Variants in HHIPL1 observed in about 807,000 individuals in gnomAD.
HHIPL1 encodes the protein HHIP-like protein 1.
In HHIPL1, 43 loss-of-function variants were observed where a neutral mutation model predicts 61.8. That is an observed-to-expected ratio of 0.70 (90% CI 0.55 to 0.90). The LOEUF (loss-of-function observed/expected upper bound fraction) is 0.90. Ranked by LOEUF, HHIPL1 falls within the 40% of genes least tolerant of loss-of-function variation. HHIPL1 has a pLI of 0.00. For missense variants in HHIPL1, 1,056 were observed against 1,157.7 expected, an observed-to-expected ratio of 0.91 and a Z score of 1.28; for synonymous variants, 482 against 515.8, an observed-to-expected ratio of 0.93 and a Z score of 0.89.
intron 6 of HHIPL1, among the ~76,000 whole-genome samples, chr14:99,664,518 C>A (rs550120789): frequency 2.0e-4 from 30 of 152,274 alleles, no homozygotes; most frequent in African/African-American, 7.0e-4. Context: ...GGAGGAGGCA[C>A]CAGTGAGACT....
At chr14:99,630,354 C>G in the HHIPL1 span, among the ~76,000 whole-genome samples, 2 of 152,336 alleles carry the variant, frequency 1.3e-5, no homozygotes, top group Admixed American at 1.3e-4. Context: ...CATCATCTGA[C>G]TCCGCCTCCT....
intron 3 of HHIPL1, among the ~76,000 whole-genome samples, 176 bp from the exon 4 acceptor site, chr14:99,659,252 T>C (rs949559084): frequency 6.6e-6 from 1 of 152,178 alleles, no homozygotes; most frequent in Non-Finnish European, 1.5e-5. Flanking sequence ...GAATGAATGG[T>C]TACCCGGCTG....
chr14:99,678,753 C>T lies in HHIPL1; in HGVS notation c.*3127C>T, dbSNP rs2056413572. ...AGATATCTTGGTTAAAGTATAAGGA[C>T]ATAGAACGTACTATGTGCCTGTGAG... On this transcript the variant is annotated 3_prime_UTR_variant, in exon 9 of 9. Transcript: ENST00000330710. The T allele has an allele frequency of 2.0e-5, 3 of 152,062 alleles. No homozygotes were observed. Among genetic ancestry groups the T allele is most frequent in the African/African-American group, 7.2e-5 (3 of 41,382 alleles). 9.4% of individuals were successfully genotyped at this position (152,062 alleles called of 1,614,324 possible). A position where few individuals can be genotyped will look rare whatever the true frequency, so the allele number is the denominator to read the frequency against.
chr14:99,646,951 C>T (rs7146731), intron 1 of HHIPL1, among the ~76,000 whole-genome samples: 54,115 of 151,662 alleles, frequency 0.36, 10,389 homozygotes, highest in South Asian at 0.45. Flanking sequence ...ACTAGGGGCT[C>T]GGTAAGTGTT....
the HHIPL1 span, among the ~76,000 whole-genome samples, chr14:99,629,562 A>G: frequency 3.3e-5 from 5 of 152,052 alleles, no homozygotes; most frequent in African/African-American, 1.2e-4. Context: ...CAGTGGCACA[A>G]TCTTGGCTCA....
chr14:99,623,248 A>C, the HHIPL1 span, among the ~76,000 whole-genome samples: 1 of 152,314 alleles, frequency 6.6e-6, no homozygotes, highest in Middle Eastern at 3.4e-3. Flanking sequence ...CTGCCTTAGC[A>C]GTTTTGAATG....
chr14:99,676,700 A>C lies in HHIPL1; in HGVS notation c.*1074A>C, dbSNP rs1339210537. On this transcript the variant is annotated 3_prime_UTR_variant, in exon 9 of 9. Coordinates refer to ENST00000330710, the MANE Select transcript of HHIPL1 (RefSeq NM_001127258.3). ...CTTTCCTGCCTCCTCTCTGACCTGC[A>C]CCTGTGTGGGAGCCGGGGTGGGAAC... 5 of 152,278 alleles carry C rather than the reference A, an allele frequency of 3.3e-5. No homozygotes were observed. The highest frequency in any genetic ancestry group is 1.2e-4 in the African/African-American group (5 of 41,550). The allele number at this position is 152,278 out of a possible 1,614,324, so 9.4% of individuals were successfully genotyped here. A position where few individuals can be genotyped will look rare whatever the true frequency, so the allele number is the denominator to read the frequency against.
chr14:99,619,987 G>A, the HHIPL1 span, among the ~76,000 whole-genome samples: 2 of 152,170 alleles, frequency 1.3e-5, no homozygotes, highest in African/African-American at 2.4e-5. Context: ...GCCTTTCTCC[G>A]GCTTCAAGGA....
At chr14:99,633,354 G>A in the HHIPL1 span, among the ~76,000 whole-genome samples, 1 of 152,206 alleles carries the variant, frequency 6.6e-6, no homozygotes, top group East Asian at 1.9e-4. Context: ...GGCACTGTGG[G>A]GACACCCAGG....
chr14:99,625,656 C>T, the HHIPL1 span: 3 of 152,176 alleles, frequency 2.0e-5, no homozygotes, highest in African/African-American at 7.2e-5. Context: ...GGCGGGCAGC[C>T]TCTCCAATGC....
At position 99,677,202 on chromosome 14, in the gene HHIPL1, G is replaced by C. The variant is rs1014806210; in HGVS notation, c.*1576G>C. The C allele has an allele frequency of 6.6e-6, 1 of 152,488 alleles. No individual in the cohort carries two copies. Among genetic ancestry groups the C allele is most frequent in the East Asian group, 1.9e-4 (1 of 5,204 alleles). The allele number at this position is 152,488 out of a possible 1,614,324, so 9.4% of individuals were successfully genotyped here. A position where few individuals can be genotyped will look rare whatever the true frequency, so the allele number is the denominator to read the frequency against. Reference sequence around the variant, plus strand: ...GAATGGGAAACTGAGGCACACAGAGGTTAGATATCTTAGGGCACCAAGCCA... The same window carrying C: ...GAATGGGAAACTGAGGCACACAGAGCTTAGATATCTTAGGGCACCAAGCCA... On this transcript the variant is annotated 3_prime_UTR_variant, in exon 9 of 9. Coordinates refer to ENST00000330710, the MANE Select transcript of HHIPL1 (RefSeq NM_001127258.3). The surrounding 1 kb of genome is among the most constrained non-coding windows in gnomAD (Gnocchi z 4.3).
chr14:99,621,916 C>T, the HHIPL1 span, among the ~76,000 whole-genome samples: 86 of 151,972 alleles, frequency 5.7e-4, 1 homozygote, highest in East Asian at 0.015. Context: ...TGGGTTTCAC[C>T]GTGTTGGCCA....
the HHIPL1 span, among the ~76,000 whole-genome samples, chr14:99,630,140 C>T: frequency 6.6e-6 from 1 of 152,228 alleles, no homozygotes; most frequent in African/African-American, 2.4e-5. Flanking sequence ...CCACTGTGTG[C>T]CAGTCAGTGG....
rs761419695 is a variant in HHIPL1 at position 99,652,841 on chromosome 14, C to T, written c.873C>T (p.Asp291=). Residue 291 remains aspartate (D), a synonymous_variant, in exon 2 of 9, where the codon GAC becomes GAT. Coordinates refer to ENST00000330710, the MANE Select transcript of HHIPL1 (RefSeq NM_001127258.3). The part of the protein sequence containing the change: ...RISEFRVSED[D]ENAVDHSSER... Reference sequence around the variant, plus strand: ...GCGAGTTCAGAGTCTCCGAGGATGACGAGAACGCCGTGGACCACAGCTCTG... The same window carrying T: ...GCGAGTTCAGAGTCTCCGAGGATGATGAGAACGCCGTGGACCACAGCTCTG... 8 of 1,613,934 alleles carry T rather than the reference C, an allele frequency of 5.0e-6. No individual in the cohort carries two copies. Among genetic ancestry groups the T allele is most frequent in the East Asian group, 2.2e-5 (1 of 44,890 alleles).
intron 8 of HHIPL1, among the ~76,000 whole-genome samples, chr14:99,674,603 G>A (rs2056364839): frequency 6.6e-6 from 1 of 152,106 alleles, no homozygotes; most frequent in Non-Finnish European, 1.5e-5. Flanking sequence ...CCACAGACCC[G>A]CAGCAGTTTT....
At chr14:99,641,953 T>A (rs1046786613), upstream of HHIPL1, among the ~76,000 whole-genome samples, 1 of 150,710 alleles carries the variant, frequency 6.6e-6, no homozygotes, top group African/African-American at 2.4e-5. Context: ...TTTTTTTTTT[T>A]CTTTGAGACA....
At chr14:99,656,562 G>A (rs369078853) in intron 2 of HHIPL1, among the ~76,000 whole-genome samples, 140 of 151,950 alleles carry the variant, frequency 9.2e-4, no homozygotes, top group African/African-American at 2.8e-3. Flanking sequence ...GATCACTTGC[G>A]GTCAGGAGGT....
At chr14:99,646,852 AATATAATATG>A (rs1566804877) in intron 1 of HHIPL1, among the ~76,000 whole-genome samples, 212 of 131,708 alleles carry the variant, frequency 1.6e-3, no homozygotes, top group Middle Eastern at 7.5e-3. Context: ...AATATAATAT[AATATAATATG>A]ATATAATATG....
rs1204362148 is a variant in HHIPL1 at position 99,660,268 on chromosome 14, C to T, written c.1376-12C>T. On this transcript the variant is annotated splice_polypyrimidine_tract_variant and intron_variant, in intron 4 of 8. Coordinates refer to ENST00000330710, the MANE Select transcript of HHIPL1 (RefSeq NM_001127258.3). This position sits in a 1 kb window ranked among gnomAD's most constrained non-coding sequence, Gnocchi z 4.9. ...CTGGCTCACCGAAGCTTCTCTCCCT[C>T]CCACCCCGCAGATGACTTGCTGCCG... is the stretch of plus-strand genomic sequence containing the variant. 2.5e-6 allele frequency: 4 copies of T among 1,613,994 alleles called. No homozygotes were observed. The highest frequency in any genetic ancestry group is 4.5e-5 in the East Asian group (2 of 44,844).
Sources: allele counts gnomAD v4.1 joint callset (sites outside exome capture counted in the v4.1 genomes callset), GRCh38; gene constraint gnomAD v4.1.1; non-coding constraint Gnocchi (gnomAD v3.1); transcripts MANE v1.5; gene names NCBI Gene and HGNC (gene_info 2026-07-23, HGNC 2026-07-21).